CYS1: variants seen among roughly 807,000 people sequenced by gnomAD.
CYS1 encodes cystin 1, also known as cystin-1.
A neutral mutation model predicts 9.6 loss-of-function variants in CYS1; 5 were observed. The observed-to-expected ratio is 0.52, with a 90% CI of 0.27 to 1.10. The LOEUF is 1.10. CYS1 is among the 50% of genes least tolerant of loss of function. CYS1 has a pLI of 0.11. For synonymous variants in CYS1, 88 were observed against 95.7 expected, an observed-to-expected ratio of 0.92 and a Z score of 0.47; for missense variants, 221 against 207.9, an observed-to-expected ratio of 1.06 and a Z score of -0.39.
chr2:10,078,337 C>T (rs922272801), intron 1 of CYS1, among the ~76,000 whole-genome samples: 13 of 152,208 alleles, frequency 8.5e-5, no homozygotes, highest in South Asian at 4.1e-4. Context: ...ATCCTCCCTA[C>T]AGTTGTCGGT....
rs1661845293 is a variant in CYS1 at position 10,076,477 on chromosome 2, C to T, written c.318+3429G>A. On this transcript the variant is annotated intron_variant, in intron 1 of 2. Coordinates refer to ENST00000381813, the MANE Select transcript of CYS1 (RefSeq NM_001037160.3). This position sits in a 1 kb window ranked among gnomAD's most constrained non-coding sequence, Gnocchi z 4.3. Reference sequence around the variant, plus strand: ...AGCCCAAGGCGCCTCCCACCACTCTCTGACCCATCTCTCACCAAGGACCTT... The same window carrying T: ...AGCCCAAGGCGCCTCCCACCACTCTTTGACCCATCTCTCACCAAGGACCTT... Among the ~76,000 whole-genome samples, 2 of 152,170 alleles carry T rather than the reference C, an allele frequency of 1.3e-5. No homozygotes were observed. Among genetic ancestry groups the T allele is most frequent in the African/African-American group, 4.8e-5 (2 of 41,432 alleles).
rs149209644 is a variant in CYS1 at position 10,079,497 on chromosome 2, T to C, written c.318+409A>G. Among the ~76,000 whole-genome samples, 495 of 152,298 alleles carry C rather than the reference T, an allele frequency of 3.3e-3. 2 individuals carry two copies. Among genetic ancestry groups the C allele is most frequent in the African/African-American group, 0.011 (469 of 41,578 alleles). On this transcript the variant is annotated intron_variant, in intron 1 of 2. Transcript: ENST00000381813. ...AAATATCAGTAACATGAGAATTGCC[T>C]GCCCAGCAAGGCAAGGATCTGGACC...
At chr2:10,077,745 G>A (rs1203806232) in intron 1 of CYS1, among the ~76,000 whole-genome samples, 1 of 152,090 alleles carries the variant, frequency 6.6e-6, no homozygotes, top group African/African-American at 2.4e-5. Flanking sequence ...TGGACCCAAG[G>A]GCTCCCTTCC....
Position 10,058,878 on chromosome 2 carries a change from C to A in CYS1, c.452G>T (p.Ser151Ile), listed in dbSNP as rs757645657. Residue 151 changes from serine (S) to isoleucine (I), a missense_variant, in exon 3 of 3, where the codon AGC (serine) becomes ATC (isoleucine). Coordinates refer to ENST00000381813, the MANE Select transcript of CYS1 (RefSeq NM_001037160.3). ...YDHSEEGLMA[S>I]IEREYCR ...TCAGCGGCAGTACTCCCGCTCGATGCTCGCCATCAGCCCCTCTTCCGAGTG... is the reference window on the plus strand; with the variant it reads ...TCAGCGGCAGTACTCCCGCTCGATGATCGCCATCAGCCCCTCTTCCGAGTG... 1 of 1,590,158 alleles carries A rather than the reference C, an allele frequency of 6.3e-7. No individual in the cohort carries two copies. Among genetic ancestry groups the A allele is most frequent in the East Asian group, 2.3e-5 (1 of 43,828 alleles).
chr2:10,068,042 A>C (rs111717586), intron 1 of CYS1, among the ~76,000 whole-genome samples: 17,781 of 152,058 alleles, frequency 0.12, 1,081 homozygotes, highest in Middle Eastern at 0.24. Flanking sequence ...TTGTCTCTCT[A>C]TGCTGTGTTC....
rs1661654413 is a variant in CYS1, at chr2:10,063,413, A to G, written c.371+2491T>C. On this transcript the variant is annotated intron_variant, in intron 2 of 2. Transcript: ENST00000381813. The surrounding 1 kb of genome is among the most constrained non-coding windows in gnomAD (Gnocchi z 4.2). ...TGCTTTGAAGGGTTTCTTCTTCGATATTTTATTATGAAAAATTTCAAACAT... is the reference window on the plus strand; with the variant it reads ...TGCTTTGAAGGGTTTCTTCTTCGATGTTTTATTATGAAAAATTTCAAACAT... Among the ~76,000 whole-genome samples the G allele has an allele frequency of 1.3e-5, 2 of 152,196 alleles. No individual in the cohort carries two copies. The highest frequency in any genetic ancestry group is 1.3e-4 in the Admixed American group (2 of 15,276).
At chr2:10,071,114 C>T (rs1328153899) in intron 1 of CYS1, among the ~76,000 whole-genome samples, 3 of 152,062 alleles carry the variant, frequency 2.0e-5, no homozygotes, top group Admixed American at 6.5e-5. Context: ...TACAGGTGCC[C>T]GCCACCACGC....
intron 1 of CYS1, among the ~76,000 whole-genome samples, chr2:10,069,515 C>T (rs968550860): frequency 6.6e-6 from 1 of 151,848 alleles, no homozygotes; most frequent in Non-Finnish European, 1.5e-5. Context: ...ACCACAGGTG[C>T]GTGCCACCAC....
At chr2:10,068,814 C>T (rs1480351241) in intron 1 of CYS1, among the ~76,000 whole-genome samples, 3 of 152,196 alleles carry the variant, frequency 2.0e-5, no homozygotes, top group Non-Finnish European at 4.4e-5. Context: ...TGGCTACCAA[C>T]ACTTTGGGAG....
rs187844540 is a variant in CYS1, at chr2:10,071,041, C to G, written c.319-5085G>C. Among the ~76,000 whole-genome samples, 5 of 152,286 alleles carry G rather than the reference C, an allele frequency of 3.3e-5. No individual in the cohort carries two copies. The East Asian group carries it at 9.7e-4, about 29-fold the overall frequency. On this transcript the variant is annotated intron_variant, in intron 1 of 2. Coordinates refer to ENST00000381813, the MANE Select transcript of CYS1 (RefSeq NM_001037160.3). Reference sequence around the variant, plus strand: ...GAGTGCAGTGGCGTGATTCGGCTCACTGCAACCTCTGCCTCCCAGGTTCAA... The same window carrying G: ...GAGTGCAGTGGCGTGATTCGGCTCAGTGCAACCTCTGCCTCCCAGGTTCAA...
In CYS1 at chr2:10,058,612, G is replaced by A. The variant is rs1031932892; in HGVS notation, c.*241C>T. 10 of 407,034 alleles carry A rather than the reference G, an allele frequency of 2.5e-5. No homozygotes were observed. The highest frequency in any genetic ancestry group is 7.2e-5 in the East Asian group (2 of 27,836). 25.2% of individuals were successfully genotyped at this position (407,034 alleles called of 1,614,324 possible). A position where few individuals can be genotyped will look rare whatever the true frequency, so the allele number is the denominator to read the frequency against. ...CTCCCCGCGTTGGGGAGGAGGCGCCGGCGGCCCAGGCCCACGCACCTGTGG... is the reference window on the plus strand; with the variant it reads ...CTCCCCGCGTTGGGGAGGAGGCGCCAGCGGCCCAGGCCCACGCACCTGTGG... On this transcript the variant is annotated 3_prime_UTR_variant, in exon 3 of 3. Coordinates refer to ENST00000381813, the MANE Select transcript of CYS1 (RefSeq NM_001037160.3).
intron 1 of CYS1, among the ~76,000 whole-genome samples, chr2:10,075,633 T>G (rs1211922578): frequency 6.6e-6 from 1 of 152,170 alleles, no homozygotes; most frequent in Non-Finnish European, 1.5e-5. Flanking sequence ...CCATAGCAGC[T>G]GCATGCCAAG....
intron 1 of CYS1, among the ~76,000 whole-genome samples, chr2:10,067,686 T>C (rs1314858067): frequency 6.6e-6 from 1 of 152,170 alleles, no homozygotes; most frequent in Non-Finnish European, 1.5e-5. Context: ...GGATTACAGG[T>C]GTGAGCCACT....
chr2:10,074,492 C>T (rs986967711), intron 1 of CYS1, among the ~76,000 whole-genome samples: 30 of 152,192 alleles, frequency 2.0e-4, no homozygotes, highest in Admixed American at 1.9e-3. Flanking sequence ...CCTTCTATTA[C>T]ACAGGCTGGG....
chr2:10,058,828 C>G lies in CYS1; in HGVS notation c.*25G>C. Reference sequence around the variant, plus strand: ...CCCAGCCAGCAGGTGCCTCCGAGGCCTGGCGGGGGTGGAGCATGCTGTCCT... The same window carrying G: ...CCCAGCCAGCAGGTGCCTCCGAGGCGTGGCGGGGGTGGAGCATGCTGTCCT... On this transcript the variant is annotated 3_prime_UTR_variant, in exon 3 of 3. Coordinates refer to ENST00000381813, the MANE Select transcript of CYS1 (RefSeq NM_001037160.3). The G allele has an allele frequency of 6.5e-7, 1 of 1,535,582 alleles. No individual in the cohort carries two copies. Among genetic ancestry groups the G allele is most frequent in the Non-Finnish European group, 8.8e-7 (1 of 1,136,956 alleles).
In CYS1 at chr2:10,079,914, C is replaced by G; in HGVS notation, c.310G>C (p.Gly104Arg). 6.3e-6 allele frequency: 7 copies of G among 1,116,320 alleles called. No individual in the cohort carries two copies. The highest frequency in any genetic ancestry group is 7.7e-6 in the Non-Finnish European group (7 of 913,822). 69.2% of individuals were successfully genotyped at this position (1,116,320 alleles called of 1,614,324 possible). A position where few individuals can be genotyped will look rare whatever the true frequency, so the allele number is the denominator to read the frequency against. Residue 104 changes from glycine to arginine, a missense_variant, in exon 1 of 3, where the codon GGG becomes CGG. Coordinates refer to ENST00000381813, the MANE Select transcript of CYS1 (RefSeq NM_001037160.3). ...PARLRPTAVA[G>R]SAVCAEQSTE... ...GCGGCTCCCACACTCACCGCGCTCC[C>G]CGCGACCGCGGTGGGTCGGAGCCGG...
intron 1 of CYS1, among the ~76,000 whole-genome samples, chr2:10,066,701 G>A (rs1661701498): frequency 6.6e-6 from 1 of 152,230 alleles, no homozygotes; most frequent in South Asian, 2.1e-4. Context: ...TCCACGTACA[G>A]GTGCTGCTCA....
At chr2:10,072,951 G>A (rs1257038298) in intron 1 of CYS1, among the ~76,000 whole-genome samples, 3 of 151,130 alleles carry the variant, frequency 2.0e-5, no homozygotes, top group South Asian at 2.1e-4. Flanking sequence ...GGGTCTGCGC[G>A]GGGGAGCAGT....
chr2:10,059,019 C>G (rs1572452695), intron 2 of CYS1, 61 bp from the exon 3 acceptor site: 1 of 1,449,626 alleles, frequency 6.9e-7, no homozygotes, highest in East Asian at 2.5e-5. Context: ...ACACTCATTT[C>G]CCCTGGCCAC....
Sources: gnomAD v4.1 joint callset for allele counts (sites outside exome capture counted in the v4.1 genomes callset) on GRCh38, gnomAD v4.1.1 for gene constraint, Gnocchi (gnomAD v3.1) non-coding constraint, MANE v1.5 for transcripts, NCBI Gene and HGNC (gene_info 2026-07-23, HGNC 2026-07-21) for gene names.